SNX13: variants seen among roughly 807,000 people sequenced by gnomAD.
SNX13 encodes sorting nexin-13.
In SNX13, 45 loss-of-function variants were observed where a neutral mutation model predicts 133.6. The ratio of observed to expected loss-of-function variants is 0.34; its 90% CI spans 0.27 to 0.43. The LOEUF (loss-of-function observed/expected upper bound fraction) is 0.43. Among genes scored for constraint, SNX13 ranks in the 20% least tolerant of loss-of-function variants. The pLI, the probability that SNX13 is intolerant of heterozygous loss-of-function variation, is 1.00. For synonymous variants in SNX13, 414 were observed against 373.9 expected (o/e 1.11, Z -1.24); for missense variants, 1,032 against 1,145.1 (o/e 0.90, Z 1.43).
intron 22 of SNX13, among the ~76,000 whole-genome samples, chr7:17,801,016 A>ATATATATATATATATATATG (rs1784562450): frequency 3.1e-4 from 3 of 9,776 alleles, no homozygotes; most frequent in African/African-American, 8.3e-4. Flanking sequence ...GAACATATAT[A>ATATATATATATATATATATG]TATATATATA....
intron 9 of SNX13, among the ~76,000 whole-genome samples, chr7:17,865,067 C>T (rs1793215849): frequency 6.6e-6 from 1 of 152,176 alleles, no homozygotes; most frequent in Non-Finnish European, 1.5e-5. Context: ...TAAGGGATTT[C>T]ATCAATACCA....
chr7:17,887,836 A>G (rs1796178630), intron 5 of SNX13, among the ~76,000 whole-genome samples: 1 of 146,636 alleles, frequency 6.8e-6, no homozygotes, highest in South Asian at 2.3e-4. Context: ...AATCAAACCT[A>G]TGAAACCACT....
chr7:17,899,504 T>C (rs1030971975), intron 1 of SNX13: 1 of 151,986 alleles, frequency 6.6e-6, no homozygotes, highest in Non-Finnish European at 1.5e-5. Flanking sequence ...TCCTTTTTAT[T>C]CTTTTTTCTC....
chr7:17,793,934 G>T lies in SNX13; in HGVS notation c.*111C>A. On this transcript the variant is annotated 3_prime_UTR_variant, in exon 26 of 26. Coordinates refer to ENST00000428135, the MANE Select transcript of SNX13 (RefSeq NM_015132.5). ...TATGGATGTATTAATAATCTATTTTGAGACACTAAAAGACTGGTGCAGACA... is the reference window on the plus strand; with the variant it reads ...TATGGATGTATTAATAATCTATTTTTAGACACTAAAAGACTGGTGCAGACA... The T allele has an allele frequency of 8.5e-7, 1 of 1,178,868 alleles. No homozygotes were observed. The highest frequency in any genetic ancestry group is 1.2e-6 in the Non-Finnish European group (1 of 844,270). The allele number at this position is 1,178,868 out of a possible 1,614,324, so 73.0% of individuals were successfully genotyped here.
intron 20 of SNX13, among the ~76,000 whole-genome samples, chr7:17,812,760 G>T (rs1278562550): frequency 1.3e-5 from 2 of 152,158 alleles, no homozygotes; most frequent in Non-Finnish European, 2.9e-5. Flanking sequence ...GCCCATTGAT[G>T]ATAGACTGGA....
At chr7:17,798,604 G>A (rs1784306084) in intron 24 of SNX13, 86 bp downstream of exon 24, 2 of 1,015,594 alleles carry the variant, frequency 2.0e-6, no homozygotes, top group African/African-American at 1.7e-5. Context: ...TGTCCAGGAA[G>A]GAAACAAAAG....
chr7:17,890,313 C>G, intron 5 of SNX13, 50 bp downstream of exon 5: 1 of 1,578,248 alleles, frequency 6.3e-7, no homozygotes, highest in Non-Finnish European at 8.6e-7. Flanking sequence ...CTTACTGGTA[C>G]AAACCATACA....
At chr7:17,919,092 A>T (rs1413665270) in intron 1 of SNX13, among the ~76,000 whole-genome samples, 1 of 152,156 alleles carries the variant, frequency 6.6e-6, no homozygotes. Flanking sequence ...ACTGCAAAAG[A>T]GGGGAAGAAT....
intron 8 of SNX13, 38 bp from the exon 9 acceptor site, chr7:17,868,528 A>G (rs1262494435): frequency 6.9e-7 from 1 of 1,457,190 alleles, no homozygotes; most frequent in East Asian, 2.3e-5. Flanking sequence ...AATTTAATCT[A>G]TTTCTGAAAT....
chr7:17,912,258 T>C (rs1799061647), intron 1 of SNX13, among the ~76,000 whole-genome samples: 1 of 152,082 alleles, frequency 6.6e-6, no homozygotes, highest in African/African-American at 2.4e-5. Flanking sequence ...GTGACTCACC[T>C]TTCCACTGGG....
chr7:17,837,493 A>T (rs1413650389), intron 13 of SNX13, among the ~76,000 whole-genome samples: 1 of 152,036 alleles, frequency 6.6e-6, no homozygotes, highest in African/African-American at 2.4e-5. Context: ...GATTTTACTT[A>T]TTAAAAACAG....
chr7:17,915,842 G>A (rs531070185), intron 1 of SNX13, among the ~76,000 whole-genome samples: 5 of 152,300 alleles, frequency 3.3e-5, no homozygotes, highest in African/African-American at 1.2e-4. Context: ...CCCAATGACT[G>A]CAGAGTACAC....
rs557013699 is a variant in SNX13, at chr7:17,863,480, C to T, written c.837+4927G>A. Among the ~76,000 whole-genome samples, 13 of 152,298 alleles carry T rather than the reference C, an allele frequency of 8.5e-5. No homozygotes were observed. The South Asian group carries it at 1.7e-3, about 19-fold the overall frequency. ...GTGTCTTAAAACTTAGGTAACAGCT[C>T]AGCCGCAGTAAAACCAAAAACCAGG... is the stretch of plus-strand genomic sequence containing the variant. On this transcript the variant is annotated intron_variant, in intron 9 of 25. Coordinates refer to ENST00000428135, the MANE Select transcript of SNX13 (RefSeq NM_015132.5).
At chr7:17,902,971 T>C (rs1281824956) in intron 1 of SNX13, among the ~76,000 whole-genome samples, 1 of 152,088 alleles carries the variant, frequency 6.6e-6, no homozygotes, top group African/African-American at 2.4e-5. Context: ...GAGAGTTTCA[T>C]CTTGAAACCA....
At chr7:17,877,872 C>G (rs766206432) in intron 5 of SNX13, among the ~76,000 whole-genome samples, 1 of 151,922 alleles carries the variant, frequency 6.6e-6, no homozygotes, top group African/African-American at 2.4e-5. Flanking sequence ...CTTATTTCCA[C>G]TGACTTCATG....
At chr7:17,856,601 G>A (rs748410033) in intron 9 of SNX13, among the ~76,000 whole-genome samples, 14 of 151,680 alleles carry the variant, frequency 9.2e-5, no homozygotes, top group Non-Finnish European at 1.6e-4. Flanking sequence ...AGACCAGCTG[G>A]GCAACATAGT....
At chr7:17,913,592 A>C (rs1021090582) in intron 1 of SNX13, among the ~76,000 whole-genome samples, 1 of 152,028 alleles carries the variant, frequency 6.6e-6, no homozygotes, top group African/African-American at 2.4e-5. Context: ...CAAAACCACC[A>C]TATGAATTTA....
chr7:17,853,239 T>C (rs138255070), intron 9 of SNX13, among the ~76,000 whole-genome samples: 3 of 152,240 alleles, frequency 2.0e-5, no homozygotes, highest in Admixed American at 1.3e-4. Flanking sequence ...ATTTAACCAG[T>C]GTTGTGGTGT....
intron 2 of SNX13, among the ~76,000 whole-genome samples, chr7:17,897,071 A>T (rs1797288547): frequency 6.6e-6 from 1 of 152,126 alleles, no homozygotes; most frequent in Admixed American, 6.5e-5. Context: ...AAAATTTTTT[A>T]AACTTTACAC....
Sources: allele counts gnomAD v4.1 joint callset (sites outside exome capture counted in the v4.1 genomes callset), GRCh38; gene constraint gnomAD v4.1.1; transcripts MANE v1.5; gene names NCBI Gene and HGNC (gene_info 2026-07-23, HGNC 2026-07-21).